Variants in CNBD1 observed in about 807,000 individuals in gnomAD.
CNBD1 encodes the protein cyclic nucleotide binding domain containing 1.
Under a neutral mutation model 54.4 loss-of-function variants are expected in CNBD1, and 71 were observed. The observed-to-expected ratio is 1.30, with a 90% CI of 1.08 to 1.59. CNBD1 has a LOEUF of 1.59. Among genes scored for constraint, CNBD1 ranks in the 40% most tolerant of loss-of-function variants. The pLI is 0.00. For missense variants in CNBD1, 659 were observed against 518.0 expected (o/e 1.27, Z -2.64); for synonymous variants, 182 against 170.7 (o/e 1.07, Z -0.51).
intron 4 of CNBD1, among the ~76,000 whole-genome samples, chr8:87,017,161 G>C (rs1005593391): frequency 6.6e-6 from 1 of 152,142 alleles, no homozygotes; most frequent in African/African-American, 2.4e-5. Flanking sequence ...CGGCTTTCTG[G>C]AACCAGAGCA....
At chr8:86,952,919 T>C (rs1296153619) in intron 4 of CNBD1, among the ~76,000 whole-genome samples, 1 of 151,998 alleles carries the variant, frequency 6.6e-6, no homozygotes, top group African/African-American at 2.4e-5. Context: ...CTGCTTTCTG[T>C]CAGTAAACTT....
At position 86,905,148 on chromosome 8, in the gene CNBD1, C is replaced by T. The variant is rs1038379535; in HGVS notation, c.226C>T (p.His76Tyr). Reference protein sequence around the residue: ...FMKQYPKVFLHQKPRLPKLFK... With the variant: ...FMKQYPKVFLYQKPRLPKLFK... ...GAAGCAATATCCTAAAGTATTCCTG[C>T]ACCAAAAACCCAGACTTCCTAAACT... The change falls in exon 3 of 11, where the codon CAC becomes TAC. Residue 76 changes from histidine to tyrosine, a missense_variant. Coordinates refer to ENST00000518476, the MANE Select transcript of CNBD1 (RefSeq NM_173538.3). 2.5e-6 allele frequency: 4 copies of T among 1,612,120 alleles called. No individual in the cohort carries two copies. Among genetic ancestry groups the T allele is most frequent in the African/African-American group, 1.3e-5 (1 of 74,836 alleles).
At chr8:86,908,906 C>A (rs1052512502) in intron 3 of CNBD1, among the ~76,000 whole-genome samples, 2 of 151,308 alleles carry the variant, frequency 1.3e-5, no homozygotes, top group Non-Finnish European at 2.9e-5. Context: ...TACAGGCACC[C>A]GCCACTACGC....
chr8:86,922,223 T>C (rs1361127722), intron 3 of CNBD1, among the ~76,000 whole-genome samples: 1 of 152,116 alleles, frequency 6.6e-6, no homozygotes, highest in African/African-American at 2.4e-5. Flanking sequence ...ACCAGAAACT[T>C]GTTGAAAAAA....
chr8:87,324,600 T>C (rs1214755936), intron 8 of CNBD1, among the ~76,000 whole-genome samples: 2 of 148,556 alleles, frequency 1.3e-5, no homozygotes, highest in Non-Finnish European at 3.0e-5. Context: ...TAGAGGTGTT[T>C]GTAGTATTCT....
intron 8 of CNBD1, among the ~76,000 whole-genome samples, chr8:87,302,858 C>T (rs550265587): frequency 6.6e-6 from 1 of 151,938 alleles, no homozygotes; most frequent in Non-Finnish European, 1.5e-5. Flanking sequence ...AAACAGAGAG[C>T]CAAATCATGA....
intron 4 of CNBD1, among the ~76,000 whole-genome samples, chr8:87,041,289 T>C (rs769041610): frequency 3.9e-5 from 6 of 152,180 alleles, no homozygotes; most frequent in Non-Finnish European, 5.9e-5. Context: ...TTTGAAAAGA[T>C]AACTTATGGA....
intron 4 of CNBD1, among the ~76,000 whole-genome samples, chr8:87,179,145 G>A (rs181276223): frequency 3.5e-4 from 54 of 152,170 alleles, no homozygotes; most frequent in East Asian, 1.7e-3. Flanking sequence ...TCTTGACCTC[G>A]TGATCCACCC....
intron 4 of CNBD1, among the ~76,000 whole-genome samples, chr8:87,074,413 C>G (rs1270143746): frequency 1.3e-5 from 2 of 151,974 alleles, no homozygotes; most frequent in African/African-American, 4.8e-5. Flanking sequence ...GGATTCTTCC[C>G]CATTCCTAGG....
intron 8 of CNBD1, among the ~76,000 whole-genome samples, chr8:87,291,237 T>C (rs906863989): frequency 2.0e-5 from 3 of 151,748 alleles, no homozygotes; most frequent in East Asian, 3.9e-4. Flanking sequence ...ACCTGGACTT[T>C]TATTAGTTCT....
intron 4 of CNBD1, among the ~76,000 whole-genome samples, chr8:87,141,830 C>A (rs867202732): frequency 1.3e-5 from 2 of 152,030 alleles, no homozygotes; most frequent in Admixed American, 6.6e-5. Flanking sequence ...AGAATGGAAA[C>A]AATCTCTCTT....
chr8:87,384,369 A>G (rs1393098419), downstream of CNBD1, among the ~76,000 whole-genome samples: 3 of 152,112 alleles, frequency 2.0e-5, no homozygotes, highest in East Asian at 5.8e-4. Context: ...TTATATTGGG[A>G]GAAGATCATA....
At chr8:87,153,741 A>G (rs1159285569) in intron 4 of CNBD1, among the ~76,000 whole-genome samples, 2 of 152,216 alleles carry the variant, frequency 1.3e-5, no homozygotes, top group Non-Finnish European at 2.9e-5. Context: ...AGCAGAGTAG[A>G]TGTGGCTTCT....
intron 1 of CNBD1, among the ~76,000 whole-genome samples, chr8:86,875,001 T>C (rs1264895765): frequency 1.5e-5 from 2 of 135,580 alleles, no homozygotes; most frequent in Non-Finnish European, 3.1e-5. Context: ...TATATATATA[T>C]ATATATATAT....
chr8:87,096,240 A>G (rs75783016), intron 4 of CNBD1, among the ~76,000 whole-genome samples: 2,339 of 152,236 alleles, frequency 0.015, 48 homozygotes, highest in African/African-American at 0.051. Flanking sequence ...TTTAAGTTCA[A>G]TGTGCCATCT....
At chr8:87,383,337 A>G (rs1811121528), downstream of CNBD1, among the ~76,000 whole-genome samples, 1 of 152,108 alleles carries the variant, frequency 6.6e-6, no homozygotes, top group African/African-American at 2.4e-5. Flanking sequence ...TGCCATGCCC[A>G]TTTGATAGTC....
rs1003893158 is a variant in CNBD1, at chr8:87,122,857, C to G, written c.432-83136C>G. Among the ~76,000 whole-genome samples the G allele has an allele frequency of 2.6e-5, 4 of 151,904 alleles. No individual in the cohort carries two copies. In the East Asian group the frequency reaches 5.8e-4, roughly 22 times the overall value. On this transcript the variant is annotated intron_variant, in intron 4 of 10. Transcript: ENST00000518476. ...TACTCTCAGCACCTTTGTTGAAAAT[C>G]AGTTAACCATAGATGTATGGGCTTG...
chr8:87,000,855 A>AT (rs1157228428), intron 4 of CNBD1, among the ~76,000 whole-genome samples: 1 of 152,090 alleles, frequency 6.6e-6, no homozygotes, highest in East Asian at 1.9e-4. Flanking sequence ...TATTTGAAGA[A>AT]TTTTTTTCTT....
chr8:86,996,844 G>A (rs915375880), intron 4 of CNBD1, among the ~76,000 whole-genome samples: 2 of 152,202 alleles, frequency 1.3e-5, no homozygotes, highest in African/African-American at 2.4e-5. Flanking sequence ...TGGAAGCTGG[G>A]AAGTCCAAGA....
Sources: gnomAD v4.1 joint callset for allele counts (sites outside exome capture counted in the v4.1 genomes callset) on GRCh38, gnomAD v4.1.1 for gene constraint, MANE v1.5 for transcripts, NCBI Gene and HGNC (gene_info 2026-07-23, HGNC 2026-07-21) for gene names.